Variants in ARB2A observed in about 807,000 individuals in gnomAD.
The protein encoded by ARB2A is ARB2 cotranscriptional regulator A, also known as cotranscriptional regulator ARB2A.
chr5:94,046,367 C>T, the ARB2A span, among the ~76,000 whole-genome samples: 1 of 152,090 alleles, frequency 6.6e-6, no homozygotes. Flanking sequence ...AGGGATCTCT[C>T]CTCAAGAGTT....
chr5:93,947,921 G>A, the ARB2A span, among the ~76,000 whole-genome samples: 2 of 151,710 alleles, frequency 1.3e-5, no homozygotes, highest in East Asian at 1.9e-4. Context: ...TATCATTGTC[G>A]GACATTTGGG....
At chr5:93,991,300 C>G in the ARB2A span, among the ~76,000 whole-genome samples, 1 of 152,096 alleles carries the variant, frequency 6.6e-6, no homozygotes, top group Admixed American at 6.6e-5. Flanking sequence ...AAGAAACTTA[C>G]CTGCTGCCAA....
At chr5:93,990,020 T>C in the ARB2A span, among the ~76,000 whole-genome samples, 2 of 152,100 alleles carry the variant, frequency 1.3e-5, no homozygotes, top group Non-Finnish European at 2.9e-5. Flanking sequence ...CACATTAAAG[T>C]TCACACATCT....
At chr5:93,895,109 A>T in the ARB2A span, among the ~76,000 whole-genome samples, 3 of 152,218 alleles carry the variant, frequency 2.0e-5, no homozygotes, top group African/African-American at 7.2e-5. Context: ...GGGCTGCTGT[A>T]TCAAACAGTA....
the ARB2A span, among the ~76,000 whole-genome samples, chr5:94,059,162 G>T: frequency 2.6e-5 from 4 of 151,512 alleles, no homozygotes; most frequent in Admixed American, 1.3e-4. Context: ...AACACAGGAG[G>T]GAGACTGAGA....
the ARB2A span, chr5:93,804,929 T>C: frequency 6.2e-6 from 6 of 970,336 alleles, no homozygotes; most frequent in African/African-American, 1.8e-5. Flanking sequence ...AGATATATAA[T>C]AATATCATAC....
chr5:93,663,368 C>T, the ARB2A span, among the ~76,000 whole-genome samples: 1 of 152,182 alleles, frequency 6.6e-6, no homozygotes, highest in African/African-American at 2.4e-5. Context: ...CATTCCCCTT[C>T]CCCTGAAGGA....
the ARB2A span, among the ~76,000 whole-genome samples, chr5:93,834,144 T>C: frequency 6.6e-6 from 1 of 152,200 alleles, no homozygotes; most frequent in African/African-American, 2.4e-5. Flanking sequence ...GAAAGGTTGT[T>C]TCAAATAGGT....
At chr5:93,935,881 G>A in the ARB2A span, among the ~76,000 whole-genome samples, 18 of 151,790 alleles carry the variant, frequency 1.2e-4, no homozygotes, top group African/African-American at 4.3e-4. Flanking sequence ...GCTTTAATAC[G>A]GCAGAAAAAG....
chr5:94,061,223 G>A, the ARB2A span, among the ~76,000 whole-genome samples: 2 of 152,028 alleles, frequency 1.3e-5, no homozygotes, highest in Non-Finnish European at 2.9e-5. Context: ...GGGCGACAGA[G>A]CAAGACTCCG....
the ARB2A span, among the ~76,000 whole-genome samples, chr5:93,851,436 T>C: frequency 1.5e-4 from 23 of 152,286 alleles, no homozygotes; most frequent in Middle Eastern, 3.4e-3. Context: ...ATACGTAACA[T>C]TGCATGTATT....
chr5:93,908,956 C>T, the ARB2A span, among the ~76,000 whole-genome samples: 5 of 150,894 alleles, frequency 3.3e-5, no homozygotes, highest in Non-Finnish European at 7.4e-5. Context: ...TCTAAGAATG[C>T]TGCTAGAATG....
At chr5:94,110,755 G>A in the ARB2A span, among the ~76,000 whole-genome samples, 3 of 152,170 alleles carry the variant, frequency 2.0e-5, no homozygotes, top group African/African-American at 4.8e-5. Flanking sequence ...CTGATATTTT[G>A]ATAAATATAC....
chr5:94,025,254 G>A, the ARB2A span, among the ~76,000 whole-genome samples: 2 of 152,216 alleles, frequency 1.3e-5, no homozygotes, highest in African/African-American at 4.8e-5. Context: ...TGGATGCTCA[G>A]AAGTCCAAGA....
the ARB2A span, among the ~76,000 whole-genome samples, chr5:93,826,548 A>T: frequency 6.6e-5 from 10 of 152,134 alleles, no homozygotes; most frequent in Non-Finnish European, 1.3e-4. Context: ...AGCTCTCCAT[A>T]TCCAGCTGAA....
chr5:94,034,365 G>T, the ARB2A span, among the ~76,000 whole-genome samples: 1 of 152,100 alleles, frequency 6.6e-6, no homozygotes, highest in Non-Finnish European at 1.5e-5. Context: ...CAGGGCAAAA[G>T]GTTGATTTTT....
At chr5:93,649,214 T>C in the ARB2A span, among the ~76,000 whole-genome samples, 5 of 152,196 alleles carry the variant, frequency 3.3e-5, no homozygotes, top group African/African-American at 4.8e-5. Context: ...AATGCATTTT[T>C]AAAATGACAC....
the ARB2A span, among the ~76,000 whole-genome samples, chr5:93,773,484 C>A: frequency 6.6e-6 from 1 of 152,196 alleles, no homozygotes; most frequent in Non-Finnish European, 1.5e-5. Flanking sequence ...CTAATTCAGG[C>A]AGGACGCTAA....
At chr5:93,814,624 C>T in the ARB2A span, among the ~76,000 whole-genome samples, 4 of 152,172 alleles carry the variant, frequency 2.6e-5, no homozygotes, top group Non-Finnish European at 4.4e-5. Context: ...TCCCACTTCA[C>T]AAATATCCCC....
Sources: allele counts gnomAD v4.1 joint callset (sites outside exome capture counted in the v4.1 genomes callset), GRCh38; gene constraint gnomAD v4.1.1; transcripts MANE v1.5; gene names NCBI Gene and HGNC (gene_info 2026-07-23, HGNC 2026-07-21).